The following SAMD4A variants were observed in gnomAD, a reference collection of about 807,000 sequenced individuals.
SAMD4A encodes the protein sterile alpha motif domain containing 4A.
A neutral mutation model predicts 81.3 loss-of-function variants in SAMD4A; 33 were observed. That is an observed-to-expected ratio of 0.41 (90% CI 0.31 to 0.54). The LOEUF is 0.54. Among genes scored for constraint, SAMD4A ranks in the 20% least tolerant of loss-of-function variants. The probability of loss-of-function intolerance (pLI) is 0.37; values close to 1 mark genes in which losing one functional copy is unlikely to be tolerated. For missense variants in SAMD4A, 854 were observed against 951.1 expected, an observed-to-expected ratio of 0.90 and a Z score of 1.34; for synonymous variants, 389 against 382.1, an observed-to-expected ratio of 1.02 and a Z score of -0.21.
At chr14:54,776,761 GA>G (rs1426055690) in intron 11 of SAMD4A, among the ~76,000 whole-genome samples, 5 of 152,172 alleles carry the variant, frequency 3.3e-5, no homozygotes, top group African/African-American at 1.2e-4. Flanking sequence ...ATCGGATGGG[GA>G]TATTTTTGAT....
At chr14:54,588,818 T>A (rs2033697203) in intron 2 of SAMD4A, among the ~76,000 whole-genome samples, 1 of 152,142 alleles carries the variant, frequency 6.6e-6, no homozygotes, top group African/African-American at 2.4e-5. Context: ...TTCCCCCCAT[T>A]TTGTATATTT....
chr14:54,688,459 G>A (rs1289972303), intron 2 of SAMD4A, among the ~76,000 whole-genome samples: 2 of 152,068 alleles, frequency 1.3e-5, no homozygotes, highest in African/African-American at 4.8e-5. Flanking sequence ...TCTCACCTTC[G>A]TTTGATTCAT....
At chr14:54,656,688 C>T (rs977744435) in intron 2 of SAMD4A, among the ~76,000 whole-genome samples, 2 of 152,154 alleles carry the variant, frequency 1.3e-5, no homozygotes, top group Admixed American at 6.5e-5. Context: ...AGGGCAGTGG[C>T]GCGATCTCGG....
intron 2 of SAMD4A, among the ~76,000 whole-genome samples, chr14:54,628,153 G>T (rs1378676281): frequency 1.3e-5 from 2 of 152,082 alleles, no homozygotes; most frequent in Non-Finnish European, 2.9e-5. Flanking sequence ...CCACAACCCT[G>T]TAAGAGTAAC....
chr14:54,567,833 GC>G lies in SAMD4A; in HGVS notation c.-83del. ...ACAGGAACGCGTCTCCGGCCGCGGG[GC>G]TGCGGCTCCGCCAAACTTTGGGGCG... On this transcript the variant is annotated 5_prime_UTR_variant, in exon 2 of 13. Coordinates refer to ENST00000554335, the MANE Select transcript of SAMD4A (RefSeq NM_015589.6). The G allele has an allele frequency of 6.8e-7, 1 of 1,478,484 alleles. No individual in the cohort carries two copies. The highest frequency in any genetic ancestry group is 1.2e-5 in the South Asian group (1 of 82,810). 91.6% of individuals were successfully genotyped at this position (1,478,484 alleles called of 1,614,324 possible). A position where few individuals can be genotyped will look rare whatever the true frequency, so the allele number is the denominator to read the frequency against.
intron 2 of SAMD4A, among the ~76,000 whole-genome samples, chr14:54,636,582 A>C (rs956373600): frequency 6.6e-6 from 1 of 152,204 alleles, no homozygotes; most frequent in African/African-American, 2.4e-5. Flanking sequence ...GTAGAGTAAG[A>C]GATGATGGCG....
At chr14:54,622,828 G>A (rs975705974) in intron 2 of SAMD4A, among the ~76,000 whole-genome samples, 7 of 152,208 alleles carry the variant, frequency 4.6e-5, no homozygotes, top group African/African-American at 1.7e-4. Context: ...CCTGGGAGGT[G>A]TTAGATACAC....
At chr14:54,657,652 T>G (rs1307744268) in intron 2 of SAMD4A, among the ~76,000 whole-genome samples, 1 of 152,242 alleles carries the variant, frequency 6.6e-6, no homozygotes, top group Non-Finnish European at 1.5e-5. Flanking sequence ...TCTGGTCTTC[T>G]GCAGTGATGT....
At chr14:54,599,328 C>T (rs574829594) in intron 2 of SAMD4A, among the ~76,000 whole-genome samples, 1 of 152,202 alleles carries the variant, frequency 6.6e-6, no homozygotes, top group South Asian at 2.1e-4. Flanking sequence ...ATAAAGGCAA[C>T]CTCTTAGGCG....
chr14:54,765,165 T>G (rs1354237137), intron 8 of SAMD4A, among the ~76,000 whole-genome samples: 1 of 152,094 alleles, frequency 6.6e-6, no homozygotes, highest in African/African-American at 2.4e-5. Context: ...CTAAGGGACA[T>G]GTAGGGAGAG....
chr14:54,701,102 A>C (rs1031201384), intron 2 of SAMD4A: 1 of 151,520 alleles, frequency 6.6e-6, no homozygotes, highest in Non-Finnish European at 1.5e-5. Context: ...AAGCTCAAGC[A>C]ATCCTCCCAC....
chr14:54,679,748 C>T (rs911884228), intron 2 of SAMD4A, among the ~76,000 whole-genome samples: 23 of 152,208 alleles, frequency 1.5e-4, no homozygotes, highest in African/African-American at 5.5e-4. Context: ...GAACCAAGTG[C>T]TGTGTCCCTG....
Position 54,760,366 on chromosome 14 carries a change from C to T in SAMD4A, c.1382C>T (p.Ala461Val). 1 of 1,569,564 alleles carries T rather than the reference C, an allele frequency of 6.4e-7. No individual in the cohort carries two copies. Among genetic ancestry groups the T allele is most frequent in the Non-Finnish European group, 8.6e-7 (1 of 1,165,274 alleles). ...KDGAAATGATATPSAGASGGL... is the reference protein window; with the variant it reads ...KDGAAATGATVTPSAGASGGL... ...GGGGCCGCAGCCACTGGCGCCACGG[C>T]CACCCCCTCGGCCGGGGCCAGCGGG... Residue 461 changes from alanine to valine, a missense_variant, in exon 7 of 13, where the codon GCC (alanine) becomes GTC (valine). Physicochemically the swap from Ala to Val is moderately conservative, Grantham distance 64. Coordinates refer to ENST00000554335, the MANE Select transcript of SAMD4A (RefSeq NM_015589.6).
At chr14:54,614,190 C>G (rs1222399160) in intron 2 of SAMD4A, among the ~76,000 whole-genome samples, 1 of 152,154 alleles carries the variant, frequency 6.6e-6, no homozygotes, top group Non-Finnish European at 1.5e-5. Context: ...AAAACTGTGG[C>G]TCTTCTCACA....
At chr14:54,662,490 A>G (rs569201031) in intron 2 of SAMD4A, among the ~76,000 whole-genome samples, 1 of 149,830 alleles carries the variant, frequency 6.7e-6, no homozygotes, top group Non-Finnish European at 1.5e-5. Context: ...GCTCACTGCA[A>G]CCTCCACCTC....
intron 6 of SAMD4A, 76 bp from the exon 7 acceptor site, chr14:54,760,085 C>G: frequency 6.9e-7 from 1 of 1,454,192 alleles, no homozygotes; most frequent in Non-Finnish European, 9.4e-7. Flanking sequence ...GAGCTCAGGG[C>G]AGGGGAGGGC....
At position 54,680,916 on chromosome 14, in the gene SAMD4A, G is replaced by A. The variant is rs534831882; in HGVS notation, c.197-21146G>A. ...GAGCCAGAGAGAGAAGAATAAAGCAGGATCTTATTTGCTTTCAGAATTTGA... is the reference window on the plus strand; with the variant it reads ...GAGCCAGAGAGAGAAGAATAAAGCAAGATCTTATTTGCTTTCAGAATTTGA... On this transcript the variant is annotated intron_variant, in intron 2 of 12. Transcript: ENST00000554335. 2.6e-5 allele frequency among the ~76,000 whole-genome samples: 4 copies of A among 152,300 alleles called. No individual in the cohort carries two copies. In the East Asian group the frequency reaches 5.8e-4, roughly 22 times the overall value.
chr14:54,705,683 G>A (rs1477820056), intron 3 of SAMD4A, among the ~76,000 whole-genome samples: 1 of 152,110 alleles, frequency 6.6e-6, no homozygotes, highest in East Asian at 1.9e-4. Flanking sequence ...CTTCCTCCCT[G>A]TATGGATTCC....
intron 4 of SAMD4A, among the ~76,000 whole-genome samples, chr14:54,739,055 C>CTTTTCTTT (rs5741994): frequency 5.1e-5 from 5 of 97,354 alleles, no homozygotes; most frequent in East Asian, 3.0e-4. Flanking sequence ...CTTTCCTTTT[C>CTTTTCTTT]TTTTTTTTTT....
Sources: allele counts gnomAD v4.1 joint callset (sites outside exome capture counted in the v4.1 genomes callset), GRCh38; gene constraint gnomAD v4.1.1; transcripts MANE v1.5; gene names NCBI Gene and HGNC (gene_info 2026-07-23, HGNC 2026-07-21).